Variants in CHCHD6 observed in about 807,000 individuals in gnomAD.
CHCHD6 encodes the protein coiled-coil-helix-coiled-coil-helix domain containing 6.
Under a neutral mutation model 32.3 loss-of-function variants are expected in CHCHD6, and 28 were observed. That is an observed-to-expected ratio of 0.87 (90% CI 0.64 to 1.19). The LOEUF (loss-of-function observed/expected upper bound fraction) is 1.19. CHCHD6 is among the 50% of genes most tolerant of loss of function. CHCHD6 has a pLI of 0.00. For missense variants in CHCHD6, 333 were observed against 307.0 expected (o/e 1.08, Z -0.63); for synonymous variants, 122 against 117.5 (o/e 1.04, Z -0.25).
rs6785648 is a variant in CHCHD6 at position 126,748,374 on chromosome 3, C to T, written c.411+15152C>T. Among the ~76,000 whole-genome samples, 1,050 of 152,268 alleles carry T rather than the reference C, an allele frequency of 6.9e-3. 12 individuals are homozygous for T. Among genetic ancestry groups the T allele is most frequent in the African/African-American group, 0.024 (1,008 of 41,552 alleles). On this transcript the variant is annotated intron_variant, in intron 4 of 7. Transcript: ENST00000290913. ...CTTTGGGAAGCCAAGGCGGATGGAT[C>T]ACCTGAGGTCAGGAATTCGAGACCA...
intron 1 of CHCHD6, among the ~76,000 whole-genome samples, chr3:126,712,376 A>G (rs1934790521): frequency 6.6e-6 from 1 of 152,212 alleles, no homozygotes; most frequent in African/African-American, 2.4e-5. Context: ...TGATCCTCAT[A>G]TATGATGAAA....
intron 4 of CHCHD6, among the ~76,000 whole-genome samples, chr3:126,787,892 C>T (rs1438369892): frequency 6.6e-6 from 1 of 152,150 alleles, no homozygotes; most frequent in East Asian, 1.9e-4. Context: ...GAGGGCATCC[C>T]TGTCTTGTGC....
Position 126,910,353 on chromosome 3 carries a change from C to T in CHCHD6, c.496-4327C>T, listed in dbSNP as rs187164901. On this transcript the variant is annotated intron_variant, in intron 5 of 7. Transcript: ENST00000290913. ...GGAAAGCCTTCTTCACCCTTATTGC[C>T]CATGAGGTGCAGTCCAAGCTTTTGA... Among the ~76,000 whole-genome samples, 178 of 151,998 alleles carry T rather than the reference C, an allele frequency of 1.2e-3. 3 individuals are homozygous for T. Among genetic ancestry groups the T allele is most frequent in the Admixed American group, 0.01 (155 of 15,264 alleles).
At chr3:126,898,155 G>T (rs1287978704) in intron 5 of CHCHD6, among the ~76,000 whole-genome samples, 1 of 152,260 alleles carries the variant, frequency 6.6e-6, no homozygotes, top group East Asian at 1.9e-4. Flanking sequence ...GCATCCTGCC[G>T]CCAGCCCGGC....
intron 5 of CHCHD6, among the ~76,000 whole-genome samples, chr3:126,901,267 T>C (rs1446688193): frequency 6.6e-6 from 1 of 152,348 alleles, no homozygotes; most frequent in South Asian, 2.1e-4. Context: ...AAACTGCTAA[T>C]TTTCTGACTC....
chr3:126,895,164 A>G (rs2077820461), intron 5 of CHCHD6, among the ~76,000 whole-genome samples: 1 of 152,254 alleles, frequency 6.6e-6, no homozygotes, highest in Non-Finnish European at 1.5e-5. Flanking sequence ...TAATGGTTGC[A>G]TAGCTAAAAT....
In CHCHD6 at chr3:126,725,982, C is replaced by T. The variant is rs544728025; in HGVS notation, c.88-1096C>T. ...ACTTTTTCCATATCAGCAGTGAGTC[C>T]GTTTCACTTTCTTACCATTCATGTG... On this transcript the variant is annotated intron_variant, in intron 1 of 7. Transcript: ENST00000290913. Among the ~76,000 whole-genome samples, 5 of 152,304 alleles carry T rather than the reference C, an allele frequency of 3.3e-5. No individual in the cohort carries two copies. In the East Asian group the frequency reaches 5.8e-4, roughly 18 times the overall value.
intron 4 of CHCHD6, among the ~76,000 whole-genome samples, chr3:126,832,117 G>A (rs1940670837): frequency 6.6e-6 from 1 of 152,206 alleles, no homozygotes; most frequent in South Asian, 2.1e-4. Flanking sequence ...CCTTTCCCCA[G>A]TATAGATAGA....
chr3:126,770,382 C>T (rs1401648143), intron 4 of CHCHD6, among the ~76,000 whole-genome samples: 1 of 152,174 alleles, frequency 6.6e-6, no homozygotes, highest in Non-Finnish European at 1.5e-5. Context: ...TAGAAGTGAT[C>T]AGAAAGGACA....
intron 6 of CHCHD6, among the ~76,000 whole-genome samples, chr3:126,950,977 G>A (rs2078707379): frequency 6.6e-6 from 1 of 152,210 alleles, no homozygotes. Context: ...GGGAAGCAAA[G>A]GTCTCACGGA....
chr3:126,900,715 C>A (rs377056316), intron 5 of CHCHD6, among the ~76,000 whole-genome samples: 1 of 151,556 alleles, frequency 6.6e-6, no homozygotes, highest in Non-Finnish European at 1.5e-5. Context: ...AGTGATTCTC[C>A]TGCCTCAGCC....
intron 4 of CHCHD6, among the ~76,000 whole-genome samples, chr3:126,747,035 G>GT (rs970585978): frequency 9.2e-5 from 14 of 152,298 alleles, no homozygotes; most frequent in Middle Eastern, 3.4e-3. Flanking sequence ...CTGGCCCTGG[G>GT]TTTTTTGCCC....
At chr3:126,902,388 G>A (rs1361078316) in intron 5 of CHCHD6, among the ~76,000 whole-genome samples, 3 of 152,152 alleles carry the variant, frequency 2.0e-5, no homozygotes, top group Non-Finnish European at 4.4e-5. Context: ...AGGAAGAGGA[G>A]AGCAAGACCA....
chr3:126,885,336 A>G (rs967418388), intron 5 of CHCHD6, among the ~76,000 whole-genome samples: 5 of 151,794 alleles, frequency 3.3e-5, no homozygotes, highest in African/African-American at 9.7e-5. Context: ...GAACACGATT[A>G]TTTTTTTTCT....
At chr3:126,889,893 C>A (rs1471261493) in intron 5 of CHCHD6, among the ~76,000 whole-genome samples, 3 of 152,214 alleles carry the variant, frequency 2.0e-5, no homozygotes, top group African/African-American at 4.8e-5. Flanking sequence ...GTGAGGGTGG[C>A]CCCTGCTCCT....
At chr3:126,920,268 A>G (rs1576603838) in intron 6 of CHCHD6, among the ~76,000 whole-genome samples, 1 of 107,478 alleles carries the variant, frequency 9.3e-6, no homozygotes, top group Non-Finnish European at 2.0e-5. Flanking sequence ...TTTGCTCTCT[A>G]TTTTCTTGAA....
chr3:126,887,437 A>G (rs963862543), intron 5 of CHCHD6, among the ~76,000 whole-genome samples: 2 of 152,158 alleles, frequency 1.3e-5, no homozygotes, highest in East Asian at 1.9e-4. Flanking sequence ...CTATCAGCCA[A>G]TGCATGTTCT....
rs142267303 is a variant in CHCHD6 at position 126,800,846 on chromosome 3, G to A, written c.412-51801G>A. 2.0e-3 allele frequency among the ~76,000 whole-genome samples: 305 copies of A among 152,282 alleles called. 2 individuals carry two copies. Among genetic ancestry groups the A allele is most frequent in the African/African-American group, 7.0e-3 (289 of 41,550 alleles). On this transcript the variant is annotated intron_variant, in intron 4 of 7. Coordinates refer to ENST00000290913, the MANE Select transcript of CHCHD6 (RefSeq NM_032343.3). ...TAAAAGATTGCTTCATGAGAGGTTA[G>A]AGGGCCCAAGTGAAAAGCTTCATAA...
At chr3:126,900,793 G>A (rs1559911763) in intron 5 of CHCHD6, among the ~76,000 whole-genome samples, 3 of 151,886 alleles carry the variant, frequency 2.0e-5, no homozygotes, top group South Asian at 2.1e-4. Flanking sequence ...TAGTGGAAAC[G>A]GGGTTTCTCC....
Sources: gnomAD v4.1 joint callset for allele counts (sites outside exome capture counted in the v4.1 genomes callset) on GRCh38, gnomAD v4.1.1 for gene constraint, MANE v1.5 for transcripts, NCBI Gene and HGNC (gene_info 2026-07-23, HGNC 2026-07-21) for gene names.